The following TP63 variants were observed in gnomAD, a reference collection of about 807,000 sequenced individuals.
The protein encoded by TP63 is tumor protein 63.
Under a neutral mutation model 82.8 loss-of-function variants are expected in TP63, and 17 were observed. The ratio of observed to expected loss-of-function variants is 0.21; its 90% CI spans 0.14 to 0.31. The LOEUF (loss-of-function observed/expected upper bound fraction) is 0.31. Among genes scored for constraint, TP63 ranks in the 10% least tolerant of loss-of-function variants. The pLI is 1.00. For synonymous variants in TP63, 330 were observed against 321.7 expected, an observed-to-expected ratio of 1.03 and a Z score of -0.28; for missense variants, 648 against 895.3, an observed-to-expected ratio of 0.72 and a Z score of 3.52.
intron 1 of TP63, among the ~76,000 whole-genome samples, chr3:189,634,269 A>T (rs1278994094): frequency 6.6e-6 from 1 of 152,102 alleles, no homozygotes; most frequent in Admixed American, 6.6e-5. Context: ...GTCATGAAAG[A>T]TAATTTTTTA....
intron 1 of TP63, among the ~76,000 whole-genome samples, chr3:189,682,552 AAATATATATATATATATATATATAT>A (rs749855160): frequency 0.24 from 5,824 of 24,016 alleles, 300 homozygotes; most frequent in South Asian, 0.32. Flanking sequence ...AAAAAAAAAA[AAATATATATATATATATATATATAT>A]ATATATATAT....
intron 1 of TP63, among the ~76,000 whole-genome samples, chr3:189,635,161 T>G (rs1480545336): frequency 2.6e-5 from 4 of 152,170 alleles, no homozygotes; most frequent in Non-Finnish European, 5.9e-5. Context: ...TCATCCTGTA[T>G]TCCAAAGAAG....
intron 3 of TP63, among the ~76,000 whole-genome samples, chr3:189,797,328 C>A (rs913865488): frequency 3.3e-5 from 5 of 151,958 alleles, no homozygotes; most frequent in African/African-American, 1.2e-4. Flanking sequence ...TAGTATAATA[C>A]CCCTATGAGA....
At chr3:189,885,189 C>T (rs1214688892) in intron 10 of TP63, among the ~76,000 whole-genome samples, 4 of 152,186 alleles carry the variant, frequency 2.6e-5, no homozygotes, top group African/African-American at 9.6e-5. Flanking sequence ...ACAGACTAGA[C>T]ACTTGCTTAA....
chr3:189,829,759 C>T (rs1031935516), intron 4 of TP63, among the ~76,000 whole-genome samples: 1 of 152,078 alleles, frequency 6.6e-6, no homozygotes, highest in Non-Finnish European at 1.5e-5. Flanking sequence ...CAGGTTTTGC[C>T]ATTACTTTTT....
chr3:189,682,584 ATATATATATATC>A (rs1716073576), intron 1 of TP63, among the ~76,000 whole-genome samples: 1 of 126,410 alleles, frequency 7.9e-6, no homozygotes, highest in Non-Finnish European at 1.7e-5. Context: ...ATATATATAT[ATATATATATATC>A]CTATTCACAA....
At chr3:189,868,538 C>G (rs1718007365) in intron 7 of TP63, 42 bp from the exon 8 acceptor site, 1 of 1,611,622 alleles carries the variant, frequency 6.2e-7, no homozygotes, top group Non-Finnish European at 8.5e-7. Context: ...TTTCAAAATG[C>G]TTTGAATTTA....
At chr3:189,716,753 T>A (rs984127774) in intron 1 of TP63, among the ~76,000 whole-genome samples, 2 of 152,170 alleles carry the variant, frequency 1.3e-5, no homozygotes, top group African/African-American at 4.8e-5. Flanking sequence ...ATCTACTTCA[T>A]GATAAGCACT....
chr3:189,730,092 A>G (rs1720053344), intron 1 of TP63, among the ~76,000 whole-genome samples: 1 of 152,218 alleles, frequency 6.6e-6, no homozygotes, highest in African/African-American at 2.4e-5. Flanking sequence ...GGCTTAAGCA[A>G]TAATTGGATG....
the TP63 span, among the ~76,000 whole-genome samples, chr3:189,603,074 A>AT: frequency 2.6e-5 from 4 of 152,190 alleles, no homozygotes; most frequent in Non-Finnish European, 5.9e-5. Context: ...ATGCAAAAGA[A>AT]TGGAGGCTCT....
At chr3:189,862,608 C>T (rs371783343) in intron 4 of TP63, among the ~76,000 whole-genome samples, 8 of 152,236 alleles carry the variant, frequency 5.3e-5, no homozygotes, top group South Asian at 2.1e-4. Context: ...GGTCATCTTA[C>T]GAAATTCATG....
chr3:189,659,850 C>G (rs1713716779), intron 1 of TP63, among the ~76,000 whole-genome samples: 1 of 151,970 alleles, frequency 6.6e-6, no homozygotes, highest in Non-Finnish European at 1.5e-5. Flanking sequence ...ACTTGTATGT[C>G]TTCTTTTGAG....
intron 1 of TP63, among the ~76,000 whole-genome samples, chr3:189,721,860 A>G (rs1164807167): frequency 6.6e-6 from 1 of 152,212 alleles, no homozygotes; most frequent in East Asian, 1.9e-4. Context: ...AAGTCTGGGA[A>G]ATTCTGATTT....
chr3:189,686,731 GT>G (rs35520871), intron 1 of TP63, among the ~76,000 whole-genome samples: 31,580 of 113,958 alleles, frequency 0.28, 3,835 homozygotes, highest in East Asian at 0.52. Context: ...CAGGGGCAGG[GT>G]TTTTTTTTTT....
chr3:189,724,483 C>T (rs1719624866), intron 1 of TP63, among the ~76,000 whole-genome samples: 1 of 152,176 alleles, frequency 6.6e-6, no homozygotes, highest in African/African-American at 2.4e-5. Flanking sequence ...CCTCTTCCCA[C>T]CCTTTCCCCG....
the TP63 span, among the ~76,000 whole-genome samples, chr3:189,614,778 G>T: frequency 6.6e-6 from 1 of 152,134 alleles, no homozygotes; most frequent in African/African-American, 2.4e-5. Context: ...TGGCATGGGG[G>T]TAATCTCCTA....
chr3:189,680,902 T>G (rs1192337654), intron 1 of TP63, among the ~76,000 whole-genome samples: 1 of 152,152 alleles, frequency 6.6e-6, no homozygotes, highest in African/African-American at 2.4e-5. Context: ...ACAACAGAGA[T>G]GAGCCTGGAG....
chr3:189,761,991 C>G (rs1722621345), intron 3 of TP63, among the ~76,000 whole-genome samples: 1 of 152,196 alleles, frequency 6.6e-6, no homozygotes, highest in African/African-American at 2.4e-5. Context: ...GATTTAATTA[C>G]CTTCCACAGG....
At chr3:189,737,123 C>A (rs1720652221) in intron 1 of TP63, among the ~76,000 whole-genome samples, 1 of 152,054 alleles carries the variant, frequency 6.6e-6, no homozygotes. Context: ...ACATGCAATT[C>A]TACACTTTAA....
Sources: gnomAD v4.1 joint callset for allele counts (sites outside exome capture counted in the v4.1 genomes callset) on GRCh38, gnomAD v4.1.1 for gene constraint, MANE v1.5 for transcripts, NCBI Gene and HGNC (gene_info 2026-07-23, HGNC 2026-07-21) for gene names.